Variants in CYREN observed in about 807,000 individuals in gnomAD.
CYREN encodes the protein cell cycle regulator of non-homologous end joining.
In CYREN, 7 loss-of-function variants were observed where a neutral mutation model predicts 9.7. The ratio of observed to expected loss-of-function variants is 0.72; its 90% CI spans 0.41 to 1.36. CYREN has a LOEUF of 1.36. CYREN is among the 40% of genes most tolerant of loss of function. CYREN has a pLI of 0.01. For missense variants in CYREN, 215 were observed against 198.1 expected, an observed-to-expected ratio of 1.09 and a Z score of -0.51; for synonymous variants, 76 against 77.9, an observed-to-expected ratio of 0.98 and a Z score of 0.13.
chr7:135,167,934 G>C lies in CYREN; in HGVS notation c.138-127C>G, dbSNP rs564564576. 1.8e-5 allele frequency: 27 copies of C among 1,474,030 alleles called. No individual in the cohort carries two copies. In the African/African-American group the frequency reaches 2.5e-4, roughly 14 times the overall value. 91.3% of individuals were successfully genotyped at this position (1,474,030 alleles called of 1,614,324 possible). On this transcript the variant is annotated intron_variant, in intron 2 of 3. Transcript: ENST00000393114. ...ACGCAGGAGGTACCAGCACCTCTGAGCTGAGGAGCTTTCTGACACGGACAC... is the reference window on the plus strand; with the variant it reads ...ACGCAGGAGGTACCAGCACCTCTGACCTGAGGAGCTTTCTGACACGGACAC...
chr7:135,138,379 TAGC>T (rs1268947143), intron 2 of CYREN, among the ~76,000 whole-genome samples: 1 of 152,032 alleles, frequency 6.6e-6, no homozygotes, highest in African/African-American at 2.4e-5. Flanking sequence ...GTGAAATGAA[TAGC>T]AGCAATGTTG....
chr7:135,134,694 A>T, intron 2 of CYREN: 2 of 728,368 alleles, frequency 2.7e-6, no homozygotes, highest in Non-Finnish European at 4.3e-6. Flanking sequence ...AGAGATGAAG[A>T]CTTCTAAATG....
chr7:135,143,006 A>G (rs1234061859), intron 2 of CYREN, among the ~76,000 whole-genome samples: 3 of 152,158 alleles, frequency 2.0e-5, no homozygotes, highest in African/African-American at 7.2e-5. Context: ...TAGCCAACAC[A>G]GTATTGAAGA....
At chr7:135,130,870 C>T (rs1828653328) in intron 2 of CYREN, among the ~76,000 whole-genome samples, 1 of 151,940 alleles carries the variant, frequency 6.6e-6, no homozygotes, top group Admixed American at 6.6e-5. Context: ...GTTTTGTTGG[C>T]CTTTTGAAAA....
intron 2 of CYREN, among the ~76,000 whole-genome samples, chr7:135,119,339 C>T (rs559285102): frequency 2.0e-5 from 3 of 151,922 alleles, no homozygotes; most frequent in African/African-American, 7.2e-5. Context: ...AAGTGATTCT[C>T]GTGCCTCAGC....
At chr7:135,167,480 C>T in intron 3 of CYREN, 1 of 1,387,890 alleles carries the variant, frequency 7.2e-7, no homozygotes, top group Non-Finnish European at 9.3e-7. Flanking sequence ...GTCACGCTCT[C>T]CCTAACACAC....
downstream of CYREN, among the ~76,000 whole-genome samples, chr7:135,164,128 G>A (rs1332602550): frequency 1.3e-5 from 2 of 152,266 alleles, no homozygotes; most frequent in Non-Finnish European, 2.9e-5. Context: ...TTGGACTGGA[G>A]CAAAGCCTTT....
intron 2 of CYREN, among the ~76,000 whole-genome samples, chr7:135,125,259 A>G (rs1025968722): frequency 8.5e-5 from 13 of 152,318 alleles, no homozygotes; most frequent in African/African-American, 2.4e-4. Flanking sequence ...AGAGAATACT[A>G]TCAACACCTT....
intron 2 of CYREN, among the ~76,000 whole-genome samples, chr7:135,100,823 C>T (rs1823723804): frequency 6.6e-6 from 1 of 152,184 alleles, no homozygotes. Context: ...GTGAATGCTA[C>T]ACCCACCTCT....
At chr7:135,103,845 G>C (rs1824228875) in intron 2 of CYREN, among the ~76,000 whole-genome samples, 1 of 151,834 alleles carries the variant, frequency 6.6e-6, no homozygotes, top group African/African-American at 2.4e-5. Context: ...TCCATTCCTT[G>C]TGTTGTAATT....
At chr7:135,161,790 C>T (rs915736685), downstream of CYREN, among the ~76,000 whole-genome samples, 1 of 152,208 alleles carries the variant, frequency 6.6e-6, no homozygotes, top group African/African-American at 2.4e-5. This position sits in a 1 kb window ranked among gnomAD's most constrained non-coding sequence, Gnocchi z 4.1. Context: ...TTTGACAGTG[C>T]CACCCAAGGC....
intron 2 of CYREN, chr7:135,168,521 G>A (rs1202787710): frequency 2.0e-6 from 1 of 500,792 alleles, no homozygotes; most frequent in African/African-American, 2.0e-5. Flanking sequence ...ATCAGAGACT[G>A]GCTGACATGG....
intron 2 of CYREN, among the ~76,000 whole-genome samples, chr7:135,130,552 AAC>A (rs1268956440): frequency 1.8e-5 from 2 of 112,750 alleles, no homozygotes; most frequent in South Asian, 3.9e-4. Context: ...TAATTCCAGC[AAC>A]ACATGTTTTT....
At chr7:135,127,786 A>T (rs1373479166) in intron 2 of CYREN, among the ~76,000 whole-genome samples, 1 of 152,180 alleles carries the variant, frequency 6.6e-6, no homozygotes, top group Non-Finnish European at 1.5e-5. Flanking sequence ...AAGGATCTAG[A>T]ACCAGAACTA....
chr7:135,141,475 A>G (rs1585331771), intron 2 of CYREN, among the ~76,000 whole-genome samples: 1 of 152,000 alleles, frequency 6.6e-6, no homozygotes, highest in East Asian at 1.9e-4. Context: ...GTGGTCTATC[A>G]ATTCTATTTA....
intron 2 of CYREN, among the ~76,000 whole-genome samples, chr7:135,102,454 TC>T (rs1365571651): frequency 2.0e-5 from 3 of 152,304 alleles, no homozygotes; most frequent in East Asian, 3.9e-4. Flanking sequence ...AATTTTATAC[TC>T]CATTGACATA....
intron 2 of CYREN, among the ~76,000 whole-genome samples, chr7:135,139,753 G>A (rs1157515123): frequency 6.6e-6 from 1 of 152,010 alleles, no homozygotes; most frequent in African/African-American, 2.4e-5. Context: ...TTTGTATATG[G>A]TGAAAGGAAG....
chr7:135,135,110 A>G lies in CYREN; in HGVS notation n.356+33639T>C. 4 of 1,551,192 alleles carry G rather than the reference A, an allele frequency of 2.6e-6. No individual in the cohort carries two copies. The South Asian group carries it at 3.6e-5, about 14-fold the overall frequency. On this transcript the variant is annotated intron_variant and non_coding_transcript_variant, in intron 2 of 2. Transcript: ENST00000459937. ...TCTTCAAGCTTTGGAATGGATGCAA[A>G]TGTTCTAAAATATAAGAGTCTTCAA...
chr7:135,127,007 A>T (rs1482961669), intron 2 of CYREN, among the ~76,000 whole-genome samples: 1 of 152,246 alleles, frequency 6.6e-6, no homozygotes, highest in Non-Finnish European at 1.5e-5. Flanking sequence ...CAGAAGCCAA[A>T]ATTGACAAAT....
Sources: gnomAD v4.1 joint callset for allele counts (sites outside exome capture counted in the v4.1 genomes callset) on GRCh38, gnomAD v4.1.1 for gene constraint, Gnocchi (gnomAD v3.1) non-coding constraint, MANE v1.5 for transcripts, NCBI Gene and HGNC (gene_info 2026-07-23, HGNC 2026-07-21) for gene names.